The following SPOCK1 variants were observed in gnomAD, a reference collection of about 807,000 sequenced individuals.
SPOCK1 encodes the protein SPARC (osteonectin), cwcv and kazal like domains proteoglycan 1.
SPOCK1 carries 23 observed loss-of-function variants against 55.3 expected under a neutral mutation model. The ratio of observed to expected loss-of-function variants is 0.42; its 90% confidence interval spans 0.30 to 0.59. SPOCK1 has a LOEUF of 0.59. SPOCK1 is among the 20% of genes least tolerant of loss of function. The pLI, the probability that SPOCK1 is intolerant of heterozygous loss-of-function variation, is 0.22. For missense variants in SPOCK1, 499 were observed against 552.5 expected, an observed-to-expected ratio of 0.90 and a Z score of 0.97; for synonymous variants, 226 against 221.0, an observed-to-expected ratio of 1.02 and a Z score of -0.20.
chr5:137,010,191 C>A (rs1751325297), intron 6 of SPOCK1, among the ~76,000 whole-genome samples: 2 of 151,956 alleles, frequency 1.3e-5, no homozygotes. Context: ...TATACTCGCC[C>A]GAGTTCCCTG....
At chr5:137,160,065 C>G (rs1754496073) in intron 3 of SPOCK1, among the ~76,000 whole-genome samples, 1 of 151,856 alleles carries the variant, frequency 6.6e-6, no homozygotes, top group African/African-American at 2.4e-5. Context: ...ACCCTTCACC[C>G]AAGCAGTGTA....
In SPOCK1 at chr5:136,988,426, AG is replaced by A; in HGVS notation, c.923del (p.Pro308LeufsTer10). The A allele has an allele frequency of 6.2e-7, 1 of 1,613,336 alleles. No individual in the cohort carries two copies. Among genetic ancestry groups the A allele is most frequent in the Non-Finnish European group, 8.5e-7 (1 of 1,179,322 alleles). ...CAACCCTCCATCCCACCTTACCTCC[AG>A]GCTTCTGGAAGCAGTAGCACCACTC... ...NNEWCYCFQKPGGLPCQNEMN... is the reference protein window; with the variant it reads ...NNEWCYCFQKXGGLPCQNEMN... On this transcript the variant is annotated frameshift_variant, in exon 8 of 11. Transcript: ENST00000394945. LOFTEE classifies it high-confidence loss of function.
chr5:137,398,470 C>T (rs975422997), intron 2 of SPOCK1, among the ~76,000 whole-genome samples: 2 of 152,070 alleles, frequency 1.3e-5, no homozygotes, highest in African/African-American at 2.4e-5. Context: ...ATATGGTTCA[C>T]GAAAATATAG....
intron 2 of SPOCK1, among the ~76,000 whole-genome samples, chr5:137,455,837 T>C (rs1467246317): frequency 1.3e-5 from 2 of 151,986 alleles, no homozygotes; most frequent in African/African-American, 4.8e-5. Flanking sequence ...TAGACCAGCC[T>C]AGGCAACATA....
chr5:137,258,331 TG>T, intron 3 of SPOCK1, among the ~76,000 whole-genome samples: 1 of 152,296 alleles, frequency 6.6e-6, no homozygotes, highest in East Asian at 1.9e-4. Flanking sequence ...TGGGGCAGAA[TG>T]AACATTTAAC....
intron 2 of SPOCK1, among the ~76,000 whole-genome samples, chr5:137,421,655 T>C (rs1407395382): frequency 6.6e-6 from 1 of 152,216 alleles, no homozygotes; most frequent in Non-Finnish European, 1.5e-5. Context: ...GCTTGGTAGA[T>C]CTTCCTCCAT....
intron 2 of SPOCK1, among the ~76,000 whole-genome samples, chr5:137,437,358 G>A (rs894343109): frequency 1.3e-5 from 2 of 152,140 alleles, no homozygotes; most frequent in Non-Finnish European, 2.9e-5. Flanking sequence ...CAGCCCTGAT[G>A]GATATTATAA....
intron 3 of SPOCK1, among the ~76,000 whole-genome samples, chr5:137,216,252 T>C (rs888677088): frequency 1.3e-5 from 2 of 152,164 alleles, no homozygotes; most frequent in Non-Finnish European, 2.9e-5. Context: ...TGCTTGTATA[T>C]GGCCCTGCAG....
At chr5:136,997,172 T>C (rs1036662085) in intron 6 of SPOCK1, among the ~76,000 whole-genome samples, 1 of 152,196 alleles carries the variant, frequency 6.6e-6, no homozygotes, top group Non-Finnish European at 1.5e-5. Context: ...GCCACGTCTC[T>C]GGGATCCACT....
rs563797983 is a variant in SPOCK1 at position 137,350,824 on chromosome 5, C to A, written c.187-83769G>T. Among the ~76,000 whole-genome samples the A allele has an allele frequency of 7.3e-4, 110 of 151,682 alleles. 4 individuals are homozygous for A. The highest frequency in any genetic ancestry group is 3.7e-3 in the South Asian group (18 of 4,802). On this transcript the variant is annotated intron_variant, in intron 2 of 10. Transcript: ENST00000394945. ...GTGTGTGTGTGTGTGTGTGTCCACG[C>A]ACGTGTGCGTGTGTGTGTAATGTAG...
At chr5:137,023,334 A>C (rs551311742) in intron 6 of SPOCK1, among the ~76,000 whole-genome samples, 12 of 152,156 alleles carry the variant, frequency 7.9e-5, no homozygotes, top group Non-Finnish European at 1.6e-4. Context: ...CCTCAATAGA[A>C]ACAGAAGGGC....
chr5:137,075,104 G>T (rs1318558877), intron 5 of SPOCK1, among the ~76,000 whole-genome samples: 1 of 152,216 alleles, frequency 6.6e-6, no homozygotes, highest in Admixed American at 6.5e-5. Flanking sequence ...CTCCCAAAGT[G>T]CTGGGATTAC....
chr5:137,311,635 C>A (rs879496562), intron 2 of SPOCK1, among the ~76,000 whole-genome samples: 3 of 152,180 alleles, frequency 2.0e-5, no homozygotes, highest in African/African-American at 7.2e-5. Context: ...CATGTGTACA[C>A]TTTTATTGAC....
intron 3 of SPOCK1, among the ~76,000 whole-genome samples, chr5:137,143,035 A>T (rs1754128473): frequency 6.6e-6 from 1 of 152,188 alleles, no homozygotes; most frequent in Non-Finnish European, 1.5e-5. Context: ...TTAGCAGGAC[A>T]TGTCAGTCCT....
At chr5:137,140,747 ATTT>A (rs11309240) in intron 3 of SPOCK1, 53 bp from the exon 4 acceptor site, 8,061 of 348,852 alleles carry the variant, frequency 0.023, no homozygotes, top group South Asian at 0.031. Flanking sequence ...GGGAAATTTA[ATTT>A]TTTTTTTTTT....
intron 2 of SPOCK1, among the ~76,000 whole-genome samples, chr5:137,344,293 T>A (rs1371464828): frequency 6.6e-6 from 1 of 152,242 alleles, no homozygotes; most frequent in Non-Finnish European, 1.5e-5. Flanking sequence ...CCCTGATGAC[T>A]ATTTAAAAAT....
In SPOCK1 at chr5:137,475,051, G is replaced by A. The variant is rs72798530; in HGVS notation, c.186+23322C>T. 8.0e-3 allele frequency among the ~76,000 whole-genome samples: 1,214 copies of A among 152,176 alleles called. 8 individuals carry two copies. Among genetic ancestry groups the A allele is most frequent in the Non-Finnish European group, 0.013 (904 of 68,004 alleles). On this transcript the variant is annotated intron_variant, in intron 2 of 10. Transcript: ENST00000394945. ...AGGGTGCCTTTACACTGAGCTAGCC[G>A]GCAGACACCCCCTTAACCAAGTGAT...
At chr5:137,262,469 A>G (rs891531634) in intron 3 of SPOCK1, among the ~76,000 whole-genome samples, 2 of 152,198 alleles carry the variant, frequency 1.3e-5, no homozygotes, top group Non-Finnish European at 2.9e-5. Flanking sequence ...TGTTACCCAG[A>G]CCAACTCTAC....
chr5:137,051,590 C>T (rs923238922), intron 6 of SPOCK1, among the ~76,000 whole-genome samples: 1 of 152,088 alleles, frequency 6.6e-6, no homozygotes, highest in Non-Finnish European at 1.5e-5. Context: ...ACCTCAAAAT[C>T]TTAGTTCATC....
Sources: gnomAD v4.1 joint callset for allele counts (sites outside exome capture counted in the v4.1 genomes callset) on GRCh38, gnomAD v4.1.1 for gene constraint, MANE v1.5 for transcripts, NCBI Gene and HGNC (gene_info 2026-07-23, HGNC 2026-07-21) for gene names.